Variants in ADAP1 observed in about 807,000 individuals in gnomAD.
The protein encoded by ADAP1 is ArfGAP with dual PH domains 1, also known as arf-GAP with dual PH domain-containing protein 1.
ADAP1 carries 31 observed loss-of-function variants against 54.9 expected under a neutral mutation model. That is an observed-to-expected ratio of 0.56 (90% confidence interval 0.42 to 0.76). ADAP1 has a LOEUF of 0.76. Among genes scored for constraint, ADAP1 ranks in the 30% least tolerant of loss-of-function variants. The pLI, the probability that ADAP1 is intolerant of heterozygous loss-of-function variation, is 0.00. For missense variants in ADAP1, 535 were observed against 512.4 expected (o/e 1.04, Z -0.42); for synonymous variants, 313 against 202.6 (o/e 1.55, Z -4.63).
chr7:908,846 G>A (rs1845587589), intron 4 of ADAP1, among the ~76,000 whole-genome samples: 1 of 152,196 alleles, frequency 6.6e-6, no homozygotes, highest in Non-Finnish European at 1.5e-5. Flanking sequence ...CAATGCAGAC[G>A]ACAAGTTTGG....
At chr7:904,351 G>C (rs1233248157) in intron 5 of ADAP1, 79 bp from the exon 6 acceptor site, 3 of 1,498,182 alleles carry the variant, frequency 2.0e-6, no homozygotes, top group Non-Finnish European at 2.7e-6. Context: ...GACCCTGTGG[G>C]TGCTGGCGGC....
Position 899,027 on chromosome 7 carries a change from C to T in ADAP1, c.1096+6G>A, listed in dbSNP as rs184864985. 3 of 1,609,722 alleles carry T rather than the reference C, an allele frequency of 1.9e-6. No individual in the cohort carries two copies. Among genetic ancestry groups the T allele is most frequent in the Non-Finnish European group, 2.5e-6 (3 of 1,179,770 alleles). The stretch of plus-strand genomic sequence containing the variant: ...TTCCAGGCCGCCGGCCGCCCGCCCC[C>T]CTCACCTGCGTACTCCTGGGGCAGC... On this transcript the variant is annotated splice_donor_region_variant and intron_variant, in intron 10 of 10. Transcript: ENST00000265846.
chr7:955,171 A>T (rs1847356326), upstream of ADAP1: 1 of 837,502 alleles, frequency 1.2e-6, no homozygotes, highest in African/African-American at 1.7e-5. Context: ...AGACCCACCC[A>T]GCCGCCCACC....
chr7:934,989 C>T (rs758546917), intron 2 of ADAP1, among the ~76,000 whole-genome samples: 1 of 152,362 alleles, frequency 6.6e-6, no homozygotes, highest in Admixed American at 6.5e-5. Context: ...TGGGTCGTGC[C>T]GCGCGGCCTG....
Position 926,685 on chromosome 7 carries a change from A to G in ADAP1, c.214-41T>C, listed in dbSNP as rs1295859296. 4 of 1,495,728 alleles carry G rather than the reference A, an allele frequency of 2.7e-6. No individual in the cohort carries two copies. The highest frequency in any genetic ancestry group is 3.6e-6 in the Non-Finnish European group (4 of 1,114,334). The allele number at this position is 1,495,728 out of a possible 1,614,324, so 92.7% of individuals were successfully genotyped here. On this transcript the variant is annotated intron_variant, in intron 2 of 10. Transcript: ENST00000265846. This position sits in a 1 kb window ranked among gnomAD's most constrained non-coding sequence, Gnocchi z 4.6. ...GGCCGGGTCAGAGGCCTGGGGTCCC[A>G]GGGGCAGCCTAGGAGGTGCCAGCTG...
At chr7:917,617 A>T (rs958495811) in intron 4 of ADAP1, among the ~76,000 whole-genome samples, 4 of 152,054 alleles carry the variant, frequency 2.6e-5, no homozygotes, top group Non-Finnish European at 4.4e-5. Flanking sequence ...GGCACCTGCC[A>T]CCACACCTGG....
At chr7:918,736 G>A (rs1846035914) in intron 4 of ADAP1, among the ~76,000 whole-genome samples, 1 of 152,148 alleles carries the variant, frequency 6.6e-6, no homozygotes, top group Non-Finnish European at 1.5e-5. Context: ...GTGGAGAAAG[G>A]GGCACTCAGG....
Position 926,804 on chromosome 7 carries a change from G to T in ADAP1, c.214-160C>A. ...GAACGCCACCTCCTCCTGCCCCAGG[G>T]ACACCATTTCTGAGTGATCGACCCT... On this transcript the variant is annotated intron_variant, in intron 2 of 10. Coordinates refer to ENST00000265846, the MANE Select transcript of ADAP1 (RefSeq NM_006869.4). This position sits in a 1 kb window ranked among gnomAD's most constrained non-coding sequence, Gnocchi z 4.6. The T allele has an allele frequency of 1.4e-6, 1 of 730,660 alleles. No homozygotes were observed. The highest frequency in any genetic ancestry group is 3.1e-5 in the East Asian group (1 of 32,456). The allele number at this position is 730,660 out of a possible 1,614,324, so 45.3% of individuals were successfully genotyped here. A position where few individuals can be genotyped will look rare whatever the true frequency, so the allele number is the denominator to read the frequency against.
At chr7:902,480 A>ATATGCCTGGGCGTGGTGGT (rs1562907730) in intron 6 of ADAP1, among the ~76,000 whole-genome samples, 1 of 31,376 alleles carries the variant, frequency 3.2e-5, no homozygotes, top group African/African-American at 1.5e-4. Flanking sequence ...AAGAAAGAAA[A>ATATGCCTGGGCGTGGTGGT]GAAAGAAAGA....
chr7:940,450 A>T (rs1191522554), intron 1 of ADAP1, among the ~76,000 whole-genome samples: 1 of 152,170 alleles, frequency 6.6e-6, no homozygotes, highest in Non-Finnish European at 1.5e-5. Context: ...AGACAGGAGC[A>T]ACACAAGGTT....
chr7:905,622 G>GGAAAGGAGAAAGGAGAAAGGA (rs1562912456), intron 4 of ADAP1: 1 of 37,588 alleles, frequency 2.7e-5, no homozygotes, highest in African/African-American at 2.2e-4. Context: ...AAGGAGAAAG[G>GGAAAGGAGAAAGGAGAAAGGA]GAAAGGAGAA....
chr7:923,697 C>T (rs936164032), intron 3 of ADAP1, among the ~76,000 whole-genome samples: 8 of 152,118 alleles, frequency 5.3e-5, no homozygotes, highest in South Asian at 2.1e-4. Context: ...CAGTGTGTGC[C>T]GGGAGGCCGC....
At chr7:906,061 AAG>A (rs1246281061) in intron 4 of ADAP1, among the ~76,000 whole-genome samples, 1 of 19,784 alleles carries the variant, frequency 5.1e-5, no homozygotes, top group Non-Finnish European at 7.9e-5. Context: ...AGAAAGGAGA[AAG>A]GGAGAAAGGA....
chr7:901,909 C>G (rs561608126), intron 6 of ADAP1, among the ~76,000 whole-genome samples: 1 of 152,174 alleles, frequency 6.6e-6, no homozygotes, highest in South Asian at 2.1e-4. Flanking sequence ...GCAGGGGGCT[C>G]TAAGCAGAAC....
At position 954,609 on chromosome 7, in the gene ADAP1, G is replaced by C; in HGVS notation, c.-132C>G. ...CCCGGGCGGCCTCAGCCCGCGCGCC[G>C]GTTCCGCATTCCCGCCGCCCTCTGG... On this transcript the variant is annotated 5_prime_UTR_variant, in exon 1 of 11. Transcript: ENST00000265846. 13 of 982,610 alleles carry C rather than the reference G, an allele frequency of 1.3e-5. No individual in the cohort carries two copies. The highest frequency in any genetic ancestry group is 1.4e-5 in the Non-Finnish European group (12 of 829,208). 60.9% of individuals were successfully genotyped at this position (982,610 alleles called of 1,614,324 possible).
In ADAP1 at chr7:946,842, T is replaced by G. The variant is rs2128112121; in HGVS notation, c.82+7554A>C. Among the ~76,000 whole-genome samples, 1 of 152,328 alleles carries G rather than the reference T, an allele frequency of 6.6e-6. No homozygotes were observed. Among genetic ancestry groups the G allele is most frequent in the East Asian group, 1.9e-4 (1 of 5,180 alleles). ...ATGCCACTGAATTTTCACTTTGAAA[T>G]GATTAACCTGAGGCCGGGCGGGGCG... On this transcript the variant is annotated intron_variant, in intron 1 of 10. Transcript: ENST00000265846. This position sits in a 1 kb window ranked among gnomAD's most constrained non-coding sequence, Gnocchi z 4.3.
At chr7:919,698 GAC>G (rs1377097587) in intron 4 of ADAP1, among the ~76,000 whole-genome samples, 1 of 53,176 alleles carries the variant, frequency 1.9e-5, no homozygotes, top group Non-Finnish European at 3.6e-5. Flanking sequence ...GAGAGATAAA[GAC>G]AGGGGAGAAA....
chr7:903,851 G>C (rs559744794), intron 6 of ADAP1: 4 of 389,200 alleles, frequency 1.0e-5, no homozygotes, highest in Middle Eastern at 7.5e-4. Flanking sequence ...GGTGGCCCCA[G>C]AGACAGCGTG....
At chr7:905,563 A>AGGGAGAAGGGAGAAGGG (rs1845168147) in intron 4 of ADAP1, 1 of 80,872 alleles carries the variant, frequency 1.2e-5, no homozygotes, top group Non-Finnish European at 2.9e-5. Flanking sequence ...AGAAAGGAGA[A>AGGGAGAAGGGAGAAGGG]AGGAGAAAGG....
Sources: allele counts gnomAD v4.1 joint callset (sites outside exome capture counted in the v4.1 genomes callset), GRCh38; gene constraint gnomAD v4.1.1; non-coding constraint Gnocchi (gnomAD v3.1); transcripts MANE v1.5; gene names NCBI Gene and HGNC (gene_info 2026-07-23, HGNC 2026-07-21).